SUPT3H: variants seen among roughly 807,000 people sequenced by gnomAD.
The protein encoded by SUPT3H is transcription initiation protein SPT3 homolog.
Under a neutral mutation model 44.3 loss-of-function variants are expected in SUPT3H, and 44 were observed. The ratio of observed to expected loss-of-function variants is 0.99; its 90% CI spans 0.78 to 1.28. SUPT3H has a LOEUF of 1.28. SUPT3H is among the 50% of genes most tolerant of loss of function. The probability of loss-of-function intolerance (pLI) is 0.00; values close to 1 mark genes in which losing one functional copy is unlikely to be tolerated. For synonymous variants in SUPT3H, 124 were observed against 125.6 expected, an observed-to-expected ratio of 0.99 and a Z score of 0.09; for missense variants, 380 against 387.1, an observed-to-expected ratio of 0.98 and a Z score of 0.15.
At chr6:45,354,471 A>T (rs1256842054) in intron 2 of SUPT3H, among the ~76,000 whole-genome samples, 1 of 152,094 alleles carries the variant, frequency 6.6e-6, no homozygotes, top group Admixed American at 6.5e-5. Context: ...TGCTTTTATG[A>T]TCTTCTTTTT....
chr6:44,959,909 T>A (rs1562139703), intron 7 of SUPT3H, among the ~76,000 whole-genome samples: 1 of 152,190 alleles, frequency 6.6e-6, no homozygotes, highest in Admixed American at 6.5e-5. Context: ...GAATAGCTTC[T>A]GAATTTGCTG....
At chr6:45,153,865 C>T (rs1490799957) in intron 2 of SUPT3H, among the ~76,000 whole-genome samples, 2 of 151,906 alleles carry the variant, frequency 1.3e-5, no homozygotes, top group Non-Finnish European at 2.9e-5. Context: ...GTCAGGAGTT[C>T]GAAACCAGCC....
At chr6:45,088,100 T>C (rs1056441104) in intron 3 of SUPT3H, among the ~76,000 whole-genome samples, 1 of 152,066 alleles carries the variant, frequency 6.6e-6, no homozygotes, top group South Asian at 2.1e-4. Context: ...GAATTAAATT[T>C]AGATCATTCT....
intron 3 of SUPT3H, among the ~76,000 whole-genome samples, chr6:45,063,504 T>C (rs1055275101): frequency 7.8e-6 from 1 of 128,654 alleles, no homozygotes; most frequent in Non-Finnish European, 1.7e-5. Context: ...GACGATCAAA[T>C]TACTCTGAGC....
chr6:45,014,060 ACT>A (rs957094256), intron 5 of SUPT3H, among the ~76,000 whole-genome samples: 1 of 151,894 alleles, frequency 6.6e-6, no homozygotes, highest in Non-Finnish European at 1.5e-5. Flanking sequence ...CTGGGGAGAG[ACT>A]CTGCCATCCT....
intron 3 of SUPT3H, among the ~76,000 whole-genome samples, chr6:45,086,478 TATA>T (rs751078067): frequency 2.5e-4 from 38 of 152,042 alleles, no homozygotes; most frequent in Non-Finnish European, 4.3e-4. Context: ...ATTTTAAATT[TATA>T]ATGCTTGCAT....
chr6:45,111,825 A>T (rs1377253327), intron 2 of SUPT3H, among the ~76,000 whole-genome samples: 1 of 152,016 alleles, frequency 6.6e-6, no homozygotes, highest in African/African-American at 2.4e-5. Flanking sequence ...AAGAAATAGC[A>T]CCAAACTAAA....
intron 2 of SUPT3H, among the ~76,000 whole-genome samples, chr6:45,125,737 G>A: frequency 6.6e-6 from 1 of 151,632 alleles, no homozygotes; most frequent in Non-Finnish European, 1.5e-5. Flanking sequence ...ATTTCTAGCA[G>A]TGATTTATTT....
At chr6:45,123,839 T>G (rs142033227) in intron 2 of SUPT3H, among the ~76,000 whole-genome samples, 77 of 152,330 alleles carry the variant, frequency 5.1e-4, no homozygotes, top group Non-Finnish European at 8.5e-4. Flanking sequence ...CTAAAACTTA[T>G]GAATGGTCAC....
chr6:45,103,088 T>TA (rs1187904952), intron 3 of SUPT3H, among the ~76,000 whole-genome samples: 1 of 152,174 alleles, frequency 6.6e-6, no homozygotes, highest in African/African-American at 2.4e-5. Flanking sequence ...TATTCCATGG[T>TA]AAAAAAGGAC....
At chr6:45,300,701 C>T (rs4498350) in intron 2 of SUPT3H, among the ~76,000 whole-genome samples, 34,529 of 151,998 alleles carry the variant, frequency 0.23, 4,606 homozygotes, top group Non-Finnish European at 0.31. Context: ...TGGGAATATA[C>T]TTAATGCCAC....
intron 10 of SUPT3H, among the ~76,000 whole-genome samples, chr6:44,918,726 C>T (rs756887089): frequency 2.6e-5 from 4 of 152,082 alleles, no homozygotes; most frequent in Non-Finnish European, 5.9e-5. Flanking sequence ...AAACCATGTG[C>T]ATACTGGCAC....
Position 45,192,173 on chromosome 6 carries a change from T to C in SUPT3H, c.102-86167A>G, listed in dbSNP as rs187974447. On this transcript the variant is annotated intron_variant, in intron 2 of 10. Transcript: ENST00000371459. Reference sequence around the variant, plus strand: ...TGGTATTCCCAGTATACTTCTAATATCTTTTACAGGCAGTTAACTGAATTC... The same window carrying C: ...TGGTATTCCCAGTATACTTCTAATACCTTTTACAGGCAGTTAACTGAATTC... 5.2e-3 allele frequency among the ~76,000 whole-genome samples: 789 copies of C among 152,230 alleles called. 8 individuals are homozygous for C. Among genetic ancestry groups the C allele is most frequent in the Non-Finnish European group, 6.5e-3 (441 of 67,980 alleles).
intron 6 of SUPT3H, among the ~76,000 whole-genome samples, chr6:44,967,893 G>A (rs1404444919): frequency 6.6e-6 from 1 of 152,050 alleles, no homozygotes; most frequent in South Asian, 2.1e-4. Context: ...CAGTTTAAGT[G>A]AGCCTCCTGC....
At chr6:44,928,820 T>G (rs1769969564) in intron 10 of SUPT3H, among the ~76,000 whole-genome samples, 1 of 135,144 alleles carries the variant, frequency 7.4e-6, no homozygotes, top group African/African-American at 2.8e-5. Context: ...GAGGCGGAGC[T>G]TGCAGTGAGC....
intron 10 of SUPT3H, among the ~76,000 whole-genome samples, chr6:44,859,565 G>A (rs905864177): frequency 1.2e-4 from 18 of 152,022 alleles, no homozygotes; most frequent in African/African-American, 4.1e-4. Flanking sequence ...TGAGGTTATT[G>A]CTTAATAGAA....
chr6:44,834,420 C>T (rs1032876483), intron 10 of SUPT3H, among the ~76,000 whole-genome samples: 5 of 152,190 alleles, frequency 3.3e-5, no homozygotes, highest in East Asian at 1.9e-4. Flanking sequence ...CATTGCTTTC[C>T]GCCCCCAAGA....
chr6:44,831,402 T>TGTTAA (rs1768710709), intron 10 of SUPT3H, among the ~76,000 whole-genome samples: 2 of 152,182 alleles, frequency 1.3e-5, no homozygotes, highest in Non-Finnish European at 2.9e-5. Context: ...TATAGAACAG[T>TGTTAA]GTTAAGTGAA....
At chr6:44,915,527 T>C (rs1032186424) in intron 10 of SUPT3H, among the ~76,000 whole-genome samples, 1 of 152,176 alleles carries the variant, frequency 6.6e-6, no homozygotes, top group Admixed American at 6.6e-5. Context: ...GACTAGTTCA[T>C]GCCATGATGG....
Sources: gnomAD v4.1 joint callset for allele counts (sites outside exome capture counted in the v4.1 genomes callset) on GRCh38, gnomAD v4.1.1 for gene constraint, MANE v1.5 for transcripts, NCBI Gene and HGNC (gene_info 2026-07-23, HGNC 2026-07-21) for gene names.